The following PRKD1 variants were observed in gnomAD, a reference collection of about 807,000 sequenced individuals.
The protein encoded by PRKD1 is serine/threonine-protein kinase D1.
A neutral mutation model predicts 95.9 loss-of-function variants in PRKD1; 63 were observed. That is an observed-to-expected ratio of 0.66 (90% CI 0.54 to 0.81). The LOEUF (loss-of-function observed/expected upper bound fraction) is 0.81. PRKD1 is among the 30% of genes least tolerant of loss of function. The pLI, the probability that PRKD1 is intolerant of heterozygous loss-of-function variation, is 0.00. For missense variants in PRKD1, 1,048 were observed against 1,165.3 expected (o/e 0.90, Z 1.47); for synonymous variants, 425 against 423.1 (o/e 1.00, Z -0.05).
At chr14:29,679,038 T>G (rs1468148525) in intron 2 of PRKD1, among the ~76,000 whole-genome samples, 1 of 152,212 alleles carries the variant, frequency 6.6e-6, no homozygotes, top group Non-Finnish European at 1.5e-5. Flanking sequence ...GGACTCTTTT[T>G]AAGTATTTGT....
At chr14:29,671,542 C>G (rs2139234321) in intron 2 of PRKD1, among the ~76,000 whole-genome samples, 1 of 152,048 alleles carries the variant, frequency 6.6e-6, no homozygotes, top group South Asian at 2.1e-4. Flanking sequence ...ATAGAAAAAG[C>G]TATTCAATTA....
intron 1 of PRKD1, among the ~76,000 whole-genome samples, chr14:29,832,539 T>C (rs1457012443): frequency 6.6e-6 from 1 of 152,134 alleles, no homozygotes; most frequent in Admixed American, 6.5e-5. Flanking sequence ...AAAATTTATC[T>C]ACCTTTTCTT....
rs188869788 is a variant in PRKD1 at position 29,826,132 on chromosome 14, A to C, written c.265-100458T>G. ...TATGTGTGTGTGTGTCTCTCTCTAT[A>C]TATATATATGGATGTACATATATAC... On this transcript the variant is annotated intron_variant, in intron 1 of 17. Coordinates refer to ENST00000331968, the MANE Select transcript of PRKD1 (RefSeq NM_002742.3). Among the ~76,000 whole-genome samples the C allele has an allele frequency of 5.4e-3, 807 of 149,098 alleles. 3 individuals carry two copies. The highest frequency in any genetic ancestry group is 0.011 in the Admixed American group (167 of 14,642).
At chr14:29,855,337 G>C (rs1892458036) in intron 1 of PRKD1, among the ~76,000 whole-genome samples, 1 of 152,194 alleles carries the variant, frequency 6.6e-6, no homozygotes. Flanking sequence ...ACCTGGATAT[G>C]AGACCTGGGG....
chr14:29,618,766 A>G (rs931293109), intron 13 of PRKD1, among the ~76,000 whole-genome samples: 2 of 91,078 alleles, frequency 2.2e-5, no homozygotes, highest in African/African-American at 6.1e-5. Context: ...TAAGTTATAT[A>G]GAGAAAATGA....
chr14:29,829,017 C>T (rs563290398), intron 1 of PRKD1, among the ~76,000 whole-genome samples: 1 of 152,290 alleles, frequency 6.6e-6, no homozygotes, highest in Non-Finnish European at 1.5e-5. Flanking sequence ...TCACAGAAAC[C>T]AGATGCCATG....
At chr14:29,922,300 CAA>C (rs749652649) in intron 1 of PRKD1, among the ~76,000 whole-genome samples, 14 of 73,766 alleles carry the variant, frequency 1.9e-4, no homozygotes, top group Non-Finnish European at 2.1e-4. Flanking sequence ...GACTCCATCT[CAA>C]AAAAAAAAAA....
intron 1 of PRKD1, among the ~76,000 whole-genome samples, chr14:29,852,173 C>A (rs1471338530): frequency 2.0e-5 from 3 of 152,026 alleles, no homozygotes; most frequent in Non-Finnish European, 4.4e-5. Flanking sequence ...TGCCACAAAC[C>A]TCAGCATCAT....
chr14:29,626,724 T>TAA (rs1250015823), intron 11 of PRKD1, among the ~76,000 whole-genome samples, 168 bp from the exon 12 acceptor site: 1 of 151,268 alleles, frequency 6.6e-6, no homozygotes, highest in Non-Finnish European at 1.5e-5. Flanking sequence ...CACTCTTTTT[T>TAA]TTTTTTTTGA....
chr14:29,906,299 G>A (rs1486624918), intron 1 of PRKD1, among the ~76,000 whole-genome samples: 2 of 152,180 alleles, frequency 1.3e-5, no homozygotes, highest in Non-Finnish European at 2.9e-5. Flanking sequence ...AGCACTTTGG[G>A]AAGCCAAGGC....
intron 13 of PRKD1, among the ~76,000 whole-genome samples, chr14:29,617,605 T>C (rs1878953532): frequency 6.6e-6 from 1 of 152,330 alleles, no homozygotes; most frequent in East Asian, 1.9e-4. Context: ...GAGAAAAATA[T>C]TAGTGAATCC....
At chr14:29,706,282 T>A (rs1885085851) in intron 2 of PRKD1, among the ~76,000 whole-genome samples, 1 of 152,156 alleles carries the variant, frequency 6.6e-6, no homozygotes, top group Non-Finnish European at 1.5e-5. Context: ...GCCCATTTTA[T>A]AAAATTGGTT....
intron 1 of PRKD1, among the ~76,000 whole-genome samples, chr14:29,759,145 A>G (rs1022494602): frequency 6.6e-6 from 1 of 152,226 alleles, no homozygotes; most frequent in African/African-American, 2.4e-5. Context: ...TTGTACAATC[A>G]CAGTTAACAC....
intron 1 of PRKD1, among the ~76,000 whole-genome samples, chr14:29,917,791 T>G (rs1183481246): frequency 6.6e-6 from 1 of 152,106 alleles, no homozygotes; most frequent in Non-Finnish European, 1.5e-5. Context: ...CAATGCCTGG[T>G]TGAAAATAAA....
intron 1 of PRKD1, among the ~76,000 whole-genome samples, chr14:29,780,706 T>C (rs1226871914): frequency 6.6e-6 from 1 of 152,140 alleles, no homozygotes; most frequent in East Asian, 1.9e-4. Flanking sequence ...GTAAACTAGT[T>C]CAACCATCGT....
intron 13 of PRKD1, among the ~76,000 whole-genome samples, chr14:29,601,271 CTGA>C (rs1408121477): frequency 6.6e-6 from 1 of 152,144 alleles, no homozygotes; most frequent in Non-Finnish European, 1.5e-5. Flanking sequence ...ACCAGGAGCT[CTGA>C]TGATGATAAC....
At position 29,621,408 on chromosome 14, in the gene PRKD1, CTCTT is replaced by C. The variant is rs549348701; in HGVS notation, c.1905+2740_1905+2743del. 8.2e-4 allele frequency among the ~76,000 whole-genome samples: 125 copies of C among 152,050 alleles called. 1 individual carries two copies. The highest frequency in any genetic ancestry group is 2.9e-3 in the African/African-American group (122 of 41,464). ...CCTCTCTTTCTCTCTCTCTCTTTCT[CTCTT>C]TATTTCTTTCCCTCTCTTTCTTCCT... On this transcript the variant is annotated intron_variant, in intron 13 of 17. Coordinates refer to ENST00000331968, the MANE Select transcript of PRKD1 (RefSeq NM_002742.3).
intron 1 of PRKD1, among the ~76,000 whole-genome samples, chr14:29,737,328 C>CAAAAAAAAAAAAAAAAAAA (rs796557046): frequency 5.3e-5 from 2 of 37,910 alleles, no homozygotes; most frequent in Non-Finnish European, 9.5e-5. Flanking sequence ...GACTCCGTCT[C>CAAAAAAAAAAAAAAAAAAA]AAAAAAAAAA....
intron 4 of PRKD1, among the ~76,000 whole-genome samples, chr14:29,640,156 T>C (rs1249032783): frequency 7.2e-5 from 11 of 152,204 alleles, no homozygotes. Flanking sequence ...TTGAGGCATC[T>C]AAGCTCATAA....
Sources: allele counts gnomAD v4.1 joint callset (sites outside exome capture counted in the v4.1 genomes callset), GRCh38; gene constraint gnomAD v4.1.1; transcripts MANE v1.5; gene names NCBI Gene and HGNC (gene_info 2026-07-23, HGNC 2026-07-21).